HERC1: variants seen among roughly 807,000 people sequenced by gnomAD.
The protein encoded by HERC1 is probable E3 ubiquitin-protein ligase HERC1.
In HERC1, 160 loss-of-function variants were observed where a neutral mutation model predicts 554.3. That is an observed-to-expected ratio of 0.29 (90% confidence interval 0.25 to 0.33). The LOEUF (loss-of-function observed/expected upper bound fraction) is 0.33, where lower values mean the gene tolerates loss of function less well. Ranked by LOEUF, HERC1 falls within the 10% of genes least tolerant of loss-of-function variation. The pLI, the probability that HERC1 is intolerant of heterozygous loss-of-function variation, is 1.00. For missense variants in HERC1, 4,919 were observed against 5,918.5 expected, an observed-to-expected ratio of 0.83 and a Z score of 5.54; for synonymous variants, 2,175 against 2,131.7, an observed-to-expected ratio of 1.02 and a Z score of -0.56.
chr15:63,642,096 G>T (rs2069093855), intron 59 of HERC1, among the ~76,000 whole-genome samples: 1 of 152,032 alleles, frequency 6.6e-6, no homozygotes, highest in Non-Finnish European at 1.5e-5. Context: ...TTTCATGAAG[G>T]TTTACAGCTT....
At position 63,712,862 on chromosome 15, in the gene HERC1, G is replaced by C. The variant is rs1276864604; in HGVS notation, c.4497C>G (p.Val1499=). The change falls in exon 24 of 78, where the codon GTC becomes GTG. Residue 1499 remains valine (V), a synonymous_variant. Coordinates refer to ENST00000443617, the MANE Select transcript of HERC1 (RefSeq NM_003922.4). ...SESLTAESRL[V]HTSPNYRLIK... ...TCAGTCTATAATTTGGGCTTGTGTGGACTAGCCGGCTCTCTGCAGTAAGAC... is the reference window on the plus strand; with the variant it reads ...TCAGTCTATAATTTGGGCTTGTGTGCACTAGCCGGCTCTCTGCAGTAAGAC... 1 of 1,613,478 alleles carries C rather than the reference G, an allele frequency of 6.2e-7. No individual in the cohort carries two copies. Among genetic ancestry groups the C allele is most frequent in the Non-Finnish European group, 8.5e-7 (1 of 1,179,658 alleles).
chr15:63,809,141 A>G (rs553562258), intron 1 of HERC1, among the ~76,000 whole-genome samples: 7 of 152,240 alleles, frequency 4.6e-5, no homozygotes, highest in Non-Finnish European at 1.0e-4. Context: ...AGTTAATGGT[A>G]TCAAAAGAAA....
At position 63,749,710 on chromosome 15, in the gene HERC1, G is replaced by A; in HGVS notation, c.1984C>T (p.Leu662=). ...ACATCAACTATTCTTGTGGCAGCCA[G>A]TTCTTCAATAAGCTTGGGTCTCAAA... The part of the protein sequence containing the change: ...TALRPKLIEE[L]AATRIVDVSI... Residue 662 remains leucine, a synonymous_variant, in exon 9 of 78, where the codon CTG becomes TTG. Transcript: ENST00000443617. This position sits in a 1 kb window ranked among gnomAD's most constrained non-coding sequence, Gnocchi z 4.1. The A allele has an allele frequency of 1.9e-6, 3 of 1,587,732 alleles. No individual in the cohort carries two copies. The highest frequency in any genetic ancestry group is 1.3e-5 in the African/African-American group (1 of 74,504).
intron 50 of HERC1, among the ~76,000 whole-genome samples, chr15:63,654,836 T>G (rs1253230438): frequency 6.7e-6 from 1 of 149,982 alleles, no homozygotes; most frequent in Non-Finnish European, 1.5e-5. Flanking sequence ...GCCACTGTAC[T>G]CCAGCCTGGG....
At chr15:63,786,841 A>C (rs1201033175) in intron 1 of HERC1, among the ~76,000 whole-genome samples, 1 of 152,204 alleles carries the variant, frequency 6.6e-6, no homozygotes, top group East Asian at 1.9e-4. Flanking sequence ...CAATACTGTG[A>C]AAGTACTAAA....
chr15:63,752,332 C>A (rs2075278137), intron 8 of HERC1, among the ~76,000 whole-genome samples: 1 of 152,164 alleles, frequency 6.6e-6, no homozygotes, highest in Non-Finnish European at 1.5e-5. Flanking sequence ...ACTGCCATAA[C>A]TGATGGATAC....
intron 1 of HERC1, among the ~76,000 whole-genome samples, chr15:63,776,131 G>A (rs2076107448): frequency 6.6e-6 from 1 of 152,072 alleles, no homozygotes; most frequent in Admixed American, 6.6e-5. Context: ...TGTAACAGTG[G>A]GTTCTACAGC....
intron 60 of HERC1, 142 bp downstream of exon 60, chr15:63,641,328 A>G: frequency 1.7e-6 from 1 of 600,974 alleles, no homozygotes. Context: ...TTTAGGCATG[A>G]CTTACCTTCA....
chr15:63,635,009 C>T, intron 65 of HERC1, 121 bp from the exon 66 acceptor site: 1 of 649,520 alleles, frequency 1.5e-6, no homozygotes, highest in South Asian at 2.8e-5. Context: ...AAAACTGGAT[C>T]TTCAAAGACC....
chr15:63,640,430 C>T lies in HERC1; in HGVS notation c.11623G>A (p.Gly3875Ser). 6.2e-7 allele frequency: 1 copy of T among 1,613,130 alleles called. No individual in the cohort carries two copies. Residue 3875 changes from glycine (G) to serine (S), a missense_variant, in exon 61 of 78, where the codon GGT (glycine) becomes AGT (serine). Gly to Ser is a moderately conservative substitution (Grantham distance 56, BLOSUM62 0). Transcript: ENST00000443617. ...TAGGGGCTATGAACAAGTTGGTCAC[C>T]ACAAACCACATGAGGCTAAAACAAA... The part of the protein sequence containing the change: ...YAYEKPHVVC[G>S]DQLVHSPYMQ...
chr15:63,742,195 T>C (rs552680396), intron 12 of HERC1, among the ~76,000 whole-genome samples: 12 of 152,368 alleles, frequency 7.9e-5, no homozygotes, highest in Non-Finnish European at 1.3e-4. Context: ...GTACAAGTCT[T>C]ACACTTCTTT....
chr15:63,819,351 T>C (rs2077604971), intron 1 of HERC1, among the ~76,000 whole-genome samples: 1 of 152,228 alleles, frequency 6.6e-6, no homozygotes, highest in Non-Finnish European at 1.5e-5. Flanking sequence ...ACAGAGGTGT[T>C]ATTCACATCA....
chr15:63,832,831 A>C (rs2078203014), intron 1 of HERC1, among the ~76,000 whole-genome samples: 7 of 152,250 alleles, frequency 4.6e-5, no homozygotes, highest in South Asian at 2.1e-4. Flanking sequence ...AAGGATAAAA[A>C]AAAATGTGTC....
At chr15:63,669,413 C>T in intron 40 of HERC1, 125 bp downstream of exon 40, 1 of 851,092 alleles carries the variant, frequency 1.2e-6, no homozygotes, top group Non-Finnish European at 1.9e-6. Context: ...TTTAATGGGG[C>T]AGTTCCCCTT....
intron 5 of HERC1, among the ~76,000 whole-genome samples, chr15:63,755,636 C>T (rs569834020): frequency 2.0e-5 from 3 of 152,210 alleles, no homozygotes; most frequent in African/African-American, 7.2e-5. Flanking sequence ...GAAAATTAGC[C>T]AGGCATGGTG....
At chr15:63,648,994 T>C (rs1720698128) in intron 54 of HERC1, among the ~76,000 whole-genome samples, 1 of 152,194 alleles carries the variant, frequency 6.6e-6, no homozygotes, top group Admixed American at 6.5e-5. Context: ...CTAATCTCTC[T>C]TGTCAGACCA....
At chr15:63,757,227 C>A (rs2075447821) in intron 4 of HERC1, among the ~76,000 whole-genome samples, 1 of 146,884 alleles carries the variant, frequency 6.8e-6, no homozygotes, top group African/African-American at 2.5e-5. Context: ...AAATGAAATG[C>A]TAATCTAGCA....
chr15:63,720,102 C>CTTTTTTTTTTTTTTTT (rs1214451219), intron 19 of HERC1, among the ~76,000 whole-genome samples: 1 of 20,952 alleles, frequency 4.8e-5, no homozygotes, highest in Non-Finnish European at 1.4e-4. Context: ...CTTTTTCTTC[C>CTTTTTTTTTTTTTTTT]CTTTTTTTTT....
chr15:63,771,474 A>T (rs1027627597), intron 2 of HERC1, among the ~76,000 whole-genome samples: 2 of 150,324 alleles, frequency 1.3e-5, no homozygotes, highest in African/African-American at 4.9e-5. Flanking sequence ...TCTGTCACCC[A>T]GGCTGGAGTG....
Sources: allele counts gnomAD v4.1 joint callset (sites outside exome capture counted in the v4.1 genomes callset), GRCh38; gene constraint gnomAD v4.1.1; non-coding constraint Gnocchi (gnomAD v3.1); transcripts MANE v1.5; gene names NCBI Gene and HGNC (gene_info 2026-07-23, HGNC 2026-07-21).